Variants in BMPR1B observed in about 807,000 individuals in gnomAD.
BMPR1B encodes bone morphogenetic protein receptor type-1B.
Under a neutral mutation model 59.1 loss-of-function variants are expected in BMPR1B, and 12 were observed. The ratio of observed to expected loss-of-function variants is 0.20; its 90% confidence interval spans 0.13 to 0.33. The LOEUF is 0.33. BMPR1B is among the 10% of genes least tolerant of loss of function. BMPR1B has a pLI of 1.00. For synonymous variants in BMPR1B, 237 were observed against 207.3 expected, an observed-to-expected ratio of 1.14 and a Z score of -1.23; for missense variants, 550 against 610.9, an observed-to-expected ratio of 0.90 and a Z score of 1.05.
intron 2 of BMPR1B, among the ~76,000 whole-genome samples, chr4:94,889,323 T>C (rs1727300265): frequency 6.6e-6 from 1 of 152,114 alleles, no homozygotes; most frequent in Non-Finnish European, 1.5e-5. Flanking sequence ...AGAATTAATC[T>C]TGTATATGAT....
intron 3 of BMPR1B, among the ~76,000 whole-genome samples, chr4:95,066,755 C>CAA (rs1417280743): frequency 1.3e-5 from 2 of 152,140 alleles, no homozygotes; most frequent in Non-Finnish European, 2.9e-5. Flanking sequence ...TCCACTGAAT[C>CAA]AAAAACCTTA....
chr4:95,106,070 G>A (rs1731179885), intron 4 of BMPR1B, among the ~76,000 whole-genome samples: 1 of 152,026 alleles, frequency 6.6e-6, no homozygotes, highest in Non-Finnish European at 1.5e-5. Flanking sequence ...GGTATCTGCA[G>A]TGGAAATTCT....
chr4:94,811,478 C>A (rs932690276), intron 1 of BMPR1B, among the ~76,000 whole-genome samples: 1 of 152,024 alleles, frequency 6.6e-6, no homozygotes, highest in Non-Finnish European at 1.5e-5. Context: ...GCTGTTTGCT[C>A]GAATAGCTGT....
chr4:94,976,885 C>T (rs1578872618), intron 2 of BMPR1B, among the ~76,000 whole-genome samples: 1 of 152,168 alleles, frequency 6.6e-6, no homozygotes, highest in East Asian at 1.9e-4. Flanking sequence ...TGCTTGGCTC[C>T]TCCTGTTTGT....
At chr4:95,153,166 G>T (rs543306192) in intron 12 of BMPR1B, among the ~76,000 whole-genome samples, 2 of 152,236 alleles carry the variant, frequency 1.3e-5, no homozygotes, top group African/African-American at 4.8e-5. Context: ...AAAAAAGTAG[G>T]CATGTTAAAG....
chr4:95,073,336 T>G (rs976829415), intron 3 of BMPR1B, among the ~76,000 whole-genome samples: 23 of 152,198 alleles, frequency 1.5e-4, no homozygotes, highest in African/African-American at 5.5e-4. Context: ...GAGAAGTTTG[T>G]CTGTGTGATA....
At chr4:94,848,302 A>G (rs1334822611) in intron 1 of BMPR1B, among the ~76,000 whole-genome samples, 2 of 152,218 alleles carry the variant, frequency 1.3e-5, no homozygotes, top group Non-Finnish European at 2.9e-5. Flanking sequence ...TTAAACCCCC[A>G]ACATGCCCAA....
intron 1 of BMPR1B, among the ~76,000 whole-genome samples, chr4:94,844,289 G>T (rs1241203505): frequency 1.3e-5 from 2 of 149,832 alleles, no homozygotes; most frequent in Admixed American, 1.3e-4. Flanking sequence ...TTCCTCTGTG[G>T]CTTGCTCTTT....
intron 2 of BMPR1B, among the ~76,000 whole-genome samples, chr4:94,932,893 A>G (rs1729149898): frequency 6.6e-6 from 1 of 152,092 alleles, no homozygotes; most frequent in African/African-American, 2.4e-5. Flanking sequence ...TTCATCCTGT[A>G]TTCTGTCAGG....
At position 95,155,085 on chromosome 4, in the gene BMPR1B, AG is replaced by A. The variant is rs1735325923; in HGVS notation, c.*414del. ...AATTCTTCCCAGGAACTCTGCTGGA[AG>A]GTAAATTAAAATACTTGTTTTTCCA... On this transcript the variant is annotated 3_prime_UTR_variant, in exon 13 of 13. Coordinates refer to ENST00000515059, the MANE Select transcript of BMPR1B (RefSeq NM_001203.3). 1 of 183,138 alleles carries A rather than the reference AG, an allele frequency of 5.5e-6. No homozygotes were observed. The highest frequency in any genetic ancestry group is 1.2e-5 in the Non-Finnish European group (1 of 86,332). The allele number at this position is 183,138 out of a possible 1,614,324, so 11.3% of individuals were successfully genotyped here.
At chr4:94,908,795 C>T (rs1728166258) in intron 2 of BMPR1B, among the ~76,000 whole-genome samples, 1 of 151,986 alleles carries the variant, frequency 6.6e-6, no homozygotes, top group Non-Finnish European at 1.5e-5. Context: ...TATAAAAACC[C>T]TTATCTTTTG....
intron 8 of BMPR1B, among the ~76,000 whole-genome samples, chr4:95,126,527 T>A (rs1257628220): frequency 6.6e-6 from 1 of 152,184 alleles, no homozygotes; most frequent in Admixed American, 6.5e-5. Context: ...GAAATATCAG[T>A]ATAACCCTGT....
intron 1 of BMPR1B, among the ~76,000 whole-genome samples, chr4:94,815,978 A>C (rs1723995010): frequency 1.3e-5 from 2 of 152,160 alleles, no homozygotes; most frequent in South Asian, 4.1e-4. Flanking sequence ...TATGTTTTTC[A>C]TAGACTGTAG....
chr4:94,800,968 G>T (rs1578659216), intron 1 of BMPR1B, among the ~76,000 whole-genome samples: 2 of 152,194 alleles, frequency 1.3e-5, no homozygotes, highest in Admixed American at 1.3e-4. Flanking sequence ...GGTATAGGTA[G>T]ATTAGTCAGA....
intron 10 of BMPR1B, among the ~76,000 whole-genome samples, chr4:95,137,331 A>G (rs1437176170): frequency 6.6e-6 from 1 of 152,206 alleles, no homozygotes; most frequent in Non-Finnish European, 1.5e-5. Context: ...ACTTCCAACT[A>G]TGTGGTCAAT....
At chr4:94,868,215 C>T (rs1304783480) in intron 1 of BMPR1B, among the ~76,000 whole-genome samples, 1 of 151,676 alleles carries the variant, frequency 6.6e-6, no homozygotes, top group Non-Finnish European at 1.5e-5. Context: ...GTCACCCAGA[C>T]AGGAGTGCAG....
At chr4:95,118,045 G>A (rs1732200743) in intron 6 of BMPR1B, among the ~76,000 whole-genome samples, 1 of 152,142 alleles carries the variant, frequency 6.6e-6, no homozygotes, top group African/African-American at 2.4e-5. Context: ...TGCGTAAGGT[G>A]GCTGGCTTTG....
chr4:95,070,291 A>G (rs1213834897), intron 3 of BMPR1B, among the ~76,000 whole-genome samples: 2 of 152,166 alleles, frequency 1.3e-5, no homozygotes, highest in African/African-American at 4.8e-5. Context: ...AGGAGGAAGG[A>G]TTACAGAAAA....
chr4:95,150,320 C>T (rs932079007), intron 11 of BMPR1B, among the ~76,000 whole-genome samples: 4 of 152,020 alleles, frequency 2.6e-5, no homozygotes, highest in South Asian at 2.1e-4. Flanking sequence ...CTTGATTTCA[C>T]GCATTATAAA....
Sources: gnomAD v4.1 joint callset for allele counts (sites outside exome capture counted in the v4.1 genomes callset) on GRCh38, gnomAD v4.1.1 for gene constraint, MANE v1.5 for transcripts, NCBI Gene and HGNC (gene_info 2026-07-23, HGNC 2026-07-21) for gene names.